The following RARB variants were observed in gnomAD, a reference collection of about 807,000 sequenced individuals.
RARB encodes HBV-activated protein.
RARB carries 17 observed loss-of-function variants against 51.9 expected under a neutral mutation model. The observed-to-expected ratio is 0.33, with a 90% CI of 0.22 to 0.49. The LOEUF (loss-of-function observed/expected upper bound fraction) is 0.49, where lower values mean the gene tolerates loss of function less well. Ranked by LOEUF, RARB falls within the 20% of genes least tolerant of loss-of-function variation. The pLI, the probability that RARB is intolerant of heterozygous loss-of-function variation, is 0.99. For synonymous variants in RARB, 215 were observed against 195.4 expected (o/e 1.10, Z -0.84); for missense variants, 369 against 550.8 (o/e 0.67, Z 3.30).
intron 5 of RARB, among the ~76,000 whole-genome samples, chr3:25,294,273 A>G (rs1004812037): frequency 1.3e-5 from 2 of 152,222 alleles, no homozygotes; most frequent in African/African-American, 2.4e-5. Flanking sequence ...AGCATATTCT[A>G]GTAGGAAAAG....
chr3:25,387,614 C>A (rs1180630926), intron 5 of RARB, among the ~76,000 whole-genome samples: 2 of 152,124 alleles, frequency 1.3e-5, no homozygotes, highest in African/African-American at 4.8e-5. Flanking sequence ...CTTCTGGACA[C>A]AGGAGGGCCT....
chr3:25,336,563 G>A (rs1705068699), intron 5 of RARB, among the ~76,000 whole-genome samples: 1 of 152,168 alleles, frequency 6.6e-6, no homozygotes, highest in Non-Finnish European at 1.5e-5. Context: ...CTTCTTTGAG[G>A]TTAAATGCTT....
At position 24,949,305 on chromosome 3, in the gene RARB, T is replaced by G. The variant is rs1259244247; in HGVS notation, c.-380+90553T>G. Among the ~76,000 whole-genome samples the G allele has an allele frequency of 4.6e-5, 7 of 152,232 alleles. No homozygotes were observed. The East Asian group carries it at 1.3e-3, about 29-fold the overall frequency. On this transcript the variant is annotated intron_variant, in intron 2 of 11. Transcript: ENST00000383772. The stretch of plus-strand genomic sequence containing the variant: ...ATATCTTTCCTGGTCAGAGCTGATG[T>G]AGACATCCCAAGGACCTCCTCTGAG...
At chr3:25,342,675 G>C (rs1705265196) in intron 5 of RARB, among the ~76,000 whole-genome samples, 1 of 152,202 alleles carries the variant, frequency 6.6e-6, no homozygotes, top group Non-Finnish European at 1.5e-5. Flanking sequence ...TTAAGCCACT[G>C]TAATTAGGTT....
intron 3 of RARB, among the ~76,000 whole-genome samples, chr3:25,106,857 T>C (rs1399686892): frequency 6.6e-6 from 1 of 151,744 alleles, no homozygotes; most frequent in Admixed American, 6.6e-5. Flanking sequence ...ACCAATTGAC[T>C]CCAGATTCCA....
intron 5 of RARB, among the ~76,000 whole-genome samples, chr3:25,201,424 C>A (rs556476532): frequency 6.6e-6 from 1 of 152,226 alleles, no homozygotes; most frequent in Admixed American, 6.6e-5. Context: ...TCCTTTATTT[C>A]CTTCTCCTGC....
chr3:24,908,520 T>C (rs530894669), intron 2 of RARB, among the ~76,000 whole-genome samples: 23 of 152,248 alleles, frequency 1.5e-4, no homozygotes, highest in African/African-American at 5.5e-4. Flanking sequence ...TTCAACATAA[T>C]GAACAAAATT....
chr3:25,094,464 C>G (rs995057867), intron 3 of RARB, among the ~76,000 whole-genome samples: 6 of 152,202 alleles, frequency 3.9e-5, no homozygotes, highest in Admixed American at 2.6e-4. Flanking sequence ...CACCTGTAAT[C>G]TCAGCACTTT....
chr3:25,337,929 GT>G (rs1705111793), intron 5 of RARB, among the ~76,000 whole-genome samples: 1 of 152,032 alleles, frequency 6.6e-6, no homozygotes, highest in African/African-American at 2.4e-5. Context: ...GTTGAACTAA[GT>G]TTACCTAGAC....
At chr3:25,405,710 C>G (rs1311671939) in intron 5 of RARB, among the ~76,000 whole-genome samples, 1 of 152,212 alleles carries the variant, frequency 6.6e-6, no homozygotes, top group African/African-American at 2.4e-5. Context: ...TCCTTGTGTT[C>G]AGTAGCTGCA....
intron 2 of RARB, among the ~76,000 whole-genome samples, chr3:24,939,985 C>A (rs1695625987): frequency 6.6e-6 from 1 of 152,148 alleles, no homozygotes; most frequent in African/African-American, 2.4e-5. Context: ...TTTTGTGATT[C>A]TAATCAAAAC....
chr3:25,549,789 C>T (rs1353374678), intron 3 of RARB, among the ~76,000 whole-genome samples: 2 of 152,032 alleles, frequency 1.3e-5, no homozygotes, highest in Non-Finnish European at 2.9e-5. Flanking sequence ...TTTTCAACAC[C>T]TTTATGAGAC....
intron 5 of RARB, among the ~76,000 whole-genome samples, chr3:25,335,849 T>C (rs1215157444): frequency 6.6e-6 from 1 of 152,176 alleles, no homozygotes; most frequent in Non-Finnish European, 1.5e-5. Context: ...CACAGGAAAA[T>C]ACAGGAGAAC....
At chr3:25,538,954 A>C (rs1476115418) in intron 3 of RARB, among the ~76,000 whole-genome samples, 1 of 152,232 alleles carries the variant, frequency 6.6e-6, no homozygotes, top group Non-Finnish European at 1.5e-5. Flanking sequence ...CTACTCTGCT[A>C]ATCACAGACA....
intron 5 of RARB, among the ~76,000 whole-genome samples, chr3:25,232,358 A>G (rs1021220728): frequency 1.3e-4 from 20 of 152,074 alleles, no homozygotes; most frequent in Non-Finnish European, 2.8e-4. Flanking sequence ...GGCATTTACA[A>G]CCTAATTCTG....
At chr3:25,334,187 C>T (rs1298786005) in intron 5 of RARB, among the ~76,000 whole-genome samples, 1 of 152,130 alleles carries the variant, frequency 6.6e-6, no homozygotes, top group Non-Finnish European at 1.5e-5. Context: ...GGTATATACC[C>T]AAAGGATTAT....
At position 25,596,741 on chromosome 3, in the gene RARB, CAAGA is replaced by C; in HGVS notation, c.*127_*130del. The C allele has an allele frequency of 1.2e-6, 1 of 865,060 alleles. No individual in the cohort carries two copies. The highest frequency in any genetic ancestry group is 1.7e-6 in the Non-Finnish European group (1 of 579,234). 53.6% of individuals were successfully genotyped at this position (865,060 alleles called of 1,614,324 possible). On this transcript the variant is annotated 3_prime_UTR_variant, in exon 8 of 8. Transcript: ENST00000330688. Reference sequence around the variant, plus strand: ...AAAGATATTAAAACTCAAGAAGGACCAAGAAGTTTTCATATGTATCAATATATAT... The same window carrying C: ...AAAGATATTAAAACTCAAGAAGGACCAGTTTTCATATGTATCAATATATAT...
intron 3 of RARB, among the ~76,000 whole-genome samples, chr3:25,106,623 G>A (rs1699509993): frequency 6.7e-6 from 1 of 148,234 alleles, no homozygotes; most frequent in Admixed American, 6.9e-5. Flanking sequence ...AAATTTAACA[G>A]CTAAATGAAT....
intron 5 of RARB, among the ~76,000 whole-genome samples, chr3:25,383,584 A>T (rs1279318972): frequency 6.6e-6 from 1 of 152,096 alleles, no homozygotes; most frequent in Admixed American, 6.5e-5. Context: ...ATGTTATCTC[A>T]TATGGTAACC....
Sources: allele counts gnomAD v4.1 joint callset (sites outside exome capture counted in the v4.1 genomes callset), GRCh38; gene constraint gnomAD v4.1.1; transcripts MANE v1.5; gene names NCBI Gene and HGNC (gene_info 2026-07-23, HGNC 2026-07-21).